The following IL13RA1 variants were observed in gnomAD, a reference collection of about 807,000 sequenced individuals.
IL13RA1 encodes the protein interleukin 13 receptor subunit alpha 1, also known as interleukin-13 receptor subunit alpha-1.
IL13RA1 carries 14 observed loss-of-function variants against 33.8 expected under a neutral mutation model. That is an observed-to-expected ratio of 0.41 (90% CI 0.27 to 0.65). The LOEUF is 0.65. Among genes scored for constraint, IL13RA1 ranks in the 30% least tolerant of loss-of-function variants. The pLI is 0.28. For missense variants in IL13RA1, 313 were observed against 327.0 expected (o/e 0.96, Z 0.33); for synonymous variants, 116 against 115.7 (o/e 1.00, Z -0.02).
At chrX:118,800,160 T>C in the IL13RA1 span, among the ~76,000 whole-genome samples, 1 of 110,890 alleles carries the variant, frequency 9.0e-6, no homozygotes, top group Non-Finnish European at 1.9e-5. Flanking sequence ...ATTGTAAACG[T>C]ACCAATAAGT....
chrX:118,761,962 A>G (rs2017595241), intron 6 of IL13RA1, among the ~76,000 whole-genome samples: 1 of 112,619 alleles, frequency 8.9e-6, no homozygotes, highest in African/African-American at 3.2e-5. Context: ...GTAGGCAGAC[A>G]TCAGATCTTG....
chrX:118,729,588 T>C (rs2017193442), intron 1 of IL13RA1, among the ~76,000 whole-genome samples: 1 of 112,315 alleles, frequency 8.9e-6, no homozygotes, highest in Admixed American at 9.4e-5. Flanking sequence ...AGTGATTAGA[T>C]TACTAGCTTA....
downstream of IL13RA1, among the ~76,000 whole-genome samples, chrX:118,798,358 A>G (rs1409886916): frequency 5.4e-5 from 6 of 110,885 alleles, no homozygotes; most frequent in Non-Finnish European, 1.1e-4. Context: ...TTCAATCCCA[A>G]ACTTTTCCCC....
intron 8 of IL13RA1, chrX:118,769,718 G>A (rs1238688543): frequency 8.9e-6 from 1 of 112,914 alleles, no homozygotes; most frequent in Non-Finnish European, 1.9e-5. Flanking sequence ...CACCCCATGA[G>A]CATCCCCTGG....
At chrX:118,736,883 C>T (rs139732240) in intron 1 of IL13RA1, among the ~76,000 whole-genome samples, 65 of 113,084 alleles carry the variant, frequency 5.7e-4, no homozygotes, top group African/African-American at 1.2e-3. Flanking sequence ...CTCGGCCTAC[C>T]GAAGTGCTGG....
intron 4 of IL13RA1, among the ~76,000 whole-genome samples, chrX:118,751,121 A>G (rs1026579778): frequency 3.6e-5 from 4 of 112,182 alleles, no homozygotes; most frequent in African/African-American, 1.3e-4. Context: ...AAAGTAGTTT[A>G]GCTTCCTGCA....
intron 3 of IL13RA1, among the ~76,000 whole-genome samples, chrX:118,747,926 A>G (rs2017424829): frequency 9.3e-6 from 1 of 107,766 alleles, no homozygotes; most frequent in African/African-American, 3.4e-5. Flanking sequence ...GATAGTATCT[A>G]TCTCCTAGAA....
intron 10 of IL13RA1, among the ~76,000 whole-genome samples, chrX:118,778,493 C>T (rs759675297): frequency 9.0e-6 from 1 of 111,316 alleles, no homozygotes; most frequent in South Asian, 3.8e-4. Context: ...GGAGTGCTTA[C>T]AAGAAATACA....
chrX:118,734,400 A>G (rs2017258161), intron 1 of IL13RA1, among the ~76,000 whole-genome samples: 1 of 111,917 alleles, frequency 8.9e-6, no homozygotes. Context: ...TCTTTGTTTC[A>G]TTCCTGACCC....
intron 10 of IL13RA1, among the ~76,000 whole-genome samples, chrX:118,785,453 T>TA (rs756918126): frequency 8.9e-6 from 1 of 112,097 alleles, no homozygotes; most frequent in Non-Finnish European, 1.9e-5. Flanking sequence ...TCATTTTTGT[T>TA]AAAAAATCCT....
At chrX:118,782,168 G>A (rs1345432939) in intron 10 of IL13RA1, among the ~76,000 whole-genome samples, 1 of 111,497 alleles carries the variant, frequency 9.0e-6, no homozygotes, top group Non-Finnish European at 1.9e-5. Context: ...GACCTCCTGA[G>A]CTCAAGCAGT....
chrX:118,777,611 GA>G (rs1046000720), intron 10 of IL13RA1, among the ~76,000 whole-genome samples: 12 of 111,439 alleles, frequency 1.1e-4, no homozygotes, highest in Non-Finnish European at 2.3e-4. Context: ...GTAAGCAATT[GA>G]AATGCATTGT....
intron 10 of IL13RA1, among the ~76,000 whole-genome samples, chrX:118,781,100 T>G (rs777522526): frequency 3.6e-5 from 4 of 110,859 alleles, no homozygotes; most frequent in African/African-American, 9.8e-5. Context: ...GCTATTTGCC[T>G]TTTCCTTGTG....
chrX:118,749,864 CTG>C (rs2017451548), intron 4 of IL13RA1, 86 bp downstream of exon 4: 1 of 632,670 alleles, frequency 1.6e-6, no homozygotes, highest in Non-Finnish European at 2.4e-6. Context: ...AAAAAAAGAA[CTG>C]TTTAATTTTT....
chrX:118,732,234 A>G (rs2081989559), intron 1 of IL13RA1, among the ~76,000 whole-genome samples: 1 of 110,782 alleles, frequency 9.0e-6, no homozygotes, highest in Non-Finnish European at 1.9e-5. Context: ...AGCCCCTGGC[A>G]AACACCATTC....
rs1331914698 is a variant in IL13RA1, at chrX:118,761,295, G to T, written c.828+6G>T. 6 of 931,606 alleles carry T rather than the reference G, an allele frequency of 6.4e-6. 1 individual carries two copies. 76.8% of individuals were successfully genotyped at this position (931,606 alleles called of 1,213,427 possible). ...AGACACATAATGTTTTCTACGTAAG[G>T]TTTTAAAATTATTGTTTTTATTTGG... On this transcript the variant is annotated splice_donor_region_variant and intron_variant, in intron 6 of 10. Transcript: ENST00000371666.
chrX:118,752,902 G>C (rs2017486170), intron 4 of IL13RA1, among the ~76,000 whole-genome samples: 1 of 112,243 alleles, frequency 8.9e-6, no homozygotes, highest in Non-Finnish European at 1.9e-5. Context: ...CTAAGAAGGA[G>C]TAGCCTGGCT....
intron 1 of IL13RA1, among the ~76,000 whole-genome samples, chrX:118,731,160 T>G (rs935785187): frequency 8.9e-6 from 1 of 112,121 alleles, no homozygotes; most frequent in African/African-American, 3.2e-5. Flanking sequence ...CTCCCTTTTC[T>G]GAAGTCAGTG....
intron 10 of IL13RA1, among the ~76,000 whole-genome samples, chrX:118,780,535 G>T (rs2489877): frequency 0.17 from 18,851 of 112,195 alleles, 1,452 homozygotes; most frequent in East Asian, 0.43. Flanking sequence ...AGGAACTGTG[G>T]TGCCAGCATC....
Sources: gnomAD v4.1 joint callset for allele counts (sites outside exome capture counted in the v4.1 genomes callset) on GRCh38, gnomAD v4.1.1 for gene constraint, MANE v1.5 for transcripts, NCBI Gene and HGNC (gene_info 2026-07-23, HGNC 2026-07-21) for gene names.